The following CTNNA3 variants were observed in gnomAD, a reference collection of about 807,000 sequenced individuals.
The protein encoded by CTNNA3 is catenin alpha-3.
A neutral mutation model predicts 95.7 loss-of-function variants in CTNNA3; 76 were observed. That is an observed-to-expected ratio of 0.79 (90% CI 0.66 to 0.96). The LOEUF (loss-of-function observed/expected upper bound fraction) is 0.96. Ranked by LOEUF, CTNNA3 falls within the 40% of genes least tolerant of loss-of-function variation. The pLI is 0.00. For missense variants in CTNNA3, 1,191 were observed against 1,089.8 expected, an observed-to-expected ratio of 1.09 and a Z score of -1.31; for synonymous variants, 431 against 374.4, an observed-to-expected ratio of 1.15 and a Z score of -1.74.
intron 5 of CTNNA3, among the ~76,000 whole-genome samples, chr10:67,241,294 G>T (rs1865709798): frequency 6.6e-6 from 1 of 152,034 alleles, no homozygotes; most frequent in Non-Finnish European, 1.5e-5. Context: ...ATGGTGGTGT[G>T]CACCAGTAAT....
intron 17 of CTNNA3, among the ~76,000 whole-genome samples, chr10:65,959,692 T>C (rs2077803177): frequency 6.6e-6 from 1 of 152,170 alleles, no homozygotes; most frequent in African/African-American, 2.4e-5. Context: ...ACCTGGCTAA[T>C]ATTTGTAGAA....
At chr10:66,622,223 GTATCTTTA>G (rs1844775115) in intron 9 of CTNNA3, among the ~76,000 whole-genome samples, 1 of 152,086 alleles carries the variant, frequency 6.6e-6, no homozygotes, top group Admixed American at 6.6e-5. Context: ...AAGTATGACT[GTATCTTTA>G]TACATTTTGT....
intron 11 of CTNNA3, among the ~76,000 whole-genome samples, chr10:66,467,805 T>C (rs917132586): frequency 6.6e-6 from 1 of 152,090 alleles, no homozygotes; most frequent in Non-Finnish European, 1.5e-5. Context: ...GAAATTAGCA[T>C]TGAGTTATTT....
chr10:66,064,693 A>G (rs1268246096), intron 15 of CTNNA3, among the ~76,000 whole-genome samples: 2 of 152,156 alleles, frequency 1.3e-5, no homozygotes, highest in Admixed American at 1.3e-4. Flanking sequence ...GTCTCCTCCA[A>G]ATGCCATAAG....
chr10:66,947,934 A>G (rs1307956494), intron 7 of CTNNA3, among the ~76,000 whole-genome samples: 2 of 152,218 alleles, frequency 1.3e-5, no homozygotes, highest in Non-Finnish European at 2.9e-5. Flanking sequence ...ATGACAGTCT[A>G]CTACACACCT....
chr10:65,998,271 G>A (rs919862158), intron 15 of CTNNA3, among the ~76,000 whole-genome samples: 3 of 152,072 alleles, frequency 2.0e-5, no homozygotes, highest in African/African-American at 4.8e-5. Flanking sequence ...ACTGTGAAAG[G>A]GAGCCAAACA....
chr10:66,112,200 GA>G (rs2082146490), intron 13 of CTNNA3, among the ~76,000 whole-genome samples: 4 of 152,134 alleles, frequency 2.6e-5, no homozygotes, highest in African/African-American at 9.7e-5. Flanking sequence ...ACCAGAGGGA[GA>G]AGGCATCTAG....
At chr10:67,619,242 C>G (rs1843750627) in intron 2 of CTNNA3, among the ~76,000 whole-genome samples, 1 of 152,126 alleles carries the variant, frequency 6.6e-6, no homozygotes, top group South Asian at 2.1e-4. Flanking sequence ...TTAACCAAAA[C>G]AGCATGGCAC....
In CTNNA3 at chr10:66,502,452, TC is replaced by T. The variant is rs1840308593; in HGVS notation, c.1531+18164del. Among the ~76,000 whole-genome samples, 4 of 152,130 alleles carry T rather than the reference TC, an allele frequency of 2.6e-5. No homozygotes were observed. The South Asian group carries it at 8.3e-4, about 31-fold the overall frequency. Reference sequence around the variant, plus strand: ...CCTCAATAATAACATGCACTTTTTTTCCCATTGGATTTTGCTCTAATTTTTA... The same window carrying T: ...CCTCAATAATAACATGCACTTTTTTTCCATTGGATTTTGCTCTAATTTTTA... On this transcript the variant is annotated intron_variant, in intron 11 of 17. Coordinates refer to ENST00000433211, the MANE Select transcript of CTNNA3 (RefSeq NM_013266.4).
rs1304176078 is a variant in CTNNA3 at position 66,571,923 on chromosome 10, CAATT to C, written c.1374+49765_1374+49768del. Among the ~76,000 whole-genome samples the C allele has an allele frequency of 2.6e-5, 4 of 152,054 alleles. No homozygotes were observed. In the East Asian group the frequency reaches 7.7e-4, roughly 29 times the overall value. ...TGACGCATTTTTTAAAGAAATTAAA[CAATT>C]AATTAGTGTGTATTCATACTAGTTG... On this transcript the variant is annotated intron_variant, in intron 10 of 17. Coordinates refer to ENST00000433211, the MANE Select transcript of CTNNA3 (RefSeq NM_013266.4).
chr10:67,000,385 A>C (rs1244942766), intron 7 of CTNNA3, among the ~76,000 whole-genome samples: 1 of 152,196 alleles, frequency 6.6e-6, no homozygotes, highest in Non-Finnish European at 1.5e-5. Flanking sequence ...AATTGGCACA[A>C]GAAGGTTAAA....
At chr10:67,045,744 G>GT (rs1205357531) in intron 7 of CTNNA3, among the ~76,000 whole-genome samples, 2 of 151,874 alleles carry the variant, frequency 1.3e-5, no homozygotes, top group African/African-American at 2.4e-5. Flanking sequence ...GCCCCCCTCT[G>GT]TTTTTTTTAA....
intron 9 of CTNNA3, among the ~76,000 whole-genome samples, chr10:66,685,662 GCA>G: frequency 6.6e-6 from 1 of 151,430 alleles, no homozygotes; most frequent in Non-Finnish European, 1.5e-5. Context: ...ATGAGACACC[GCA>G]CCAGGCCAAG....
intron 7 of CTNNA3, among the ~76,000 whole-genome samples, chr10:66,787,159 G>C (rs1035672799): frequency 1.3e-5 from 2 of 152,108 alleles, no homozygotes; most frequent in Non-Finnish European, 2.9e-5. Flanking sequence ...CCACTTCCTA[G>C]ATGTGTGAAC....
At chr10:67,360,374 A>G (rs1368249742) in intron 5 of CTNNA3, among the ~76,000 whole-genome samples, 1 of 151,326 alleles carries the variant, frequency 6.6e-6, no homozygotes, top group Non-Finnish European at 1.5e-5. Flanking sequence ...TTGAATGTAA[A>G]TGATATAGAT....
intron 5 of CTNNA3, among the ~76,000 whole-genome samples, chr10:67,324,851 G>A (rs1238310808): frequency 2.6e-5 from 4 of 152,078 alleles, no homozygotes; most frequent in Non-Finnish European, 5.9e-5. Flanking sequence ...GTAGAATTCA[G>A]CTATGAATCC....
At position 65,966,598 on chromosome 10, in the gene CTNNA3, T is replaced by C. The variant is rs1564545972; in HGVS notation, c.2400+14A>G. 6.2e-7 allele frequency: 1 copy of C among 1,610,880 alleles called. No individual in the cohort carries two copies. ...CTTCCACCTGTGATCATGTAAGTGC[T>C]AGGCAGTACTCACAGCTGACATGAT... On this transcript the variant is annotated intron_variant, in intron 17 of 17. Coordinates refer to ENST00000433211, the MANE Select transcript of CTNNA3 (RefSeq NM_013266.4).
chr10:66,996,950 G>A (rs1445731202), intron 7 of CTNNA3, among the ~76,000 whole-genome samples: 1 of 152,044 alleles, frequency 6.6e-6, no homozygotes, highest in Non-Finnish European at 1.5e-5. Context: ...ATTAAATCAA[G>A]AGGTTTAATA....
chr10:66,520,593 C>A, intron 11 of CTNNA3, 24 bp downstream of exon 11: 2 of 1,576,528 alleles, frequency 1.3e-6, no homozygotes, highest in Non-Finnish European at 1.7e-6. Flanking sequence ...AGAAAATAAA[C>A]AAATTAAAAG....
Sources: gnomAD v4.1 joint callset for allele counts (sites outside exome capture counted in the v4.1 genomes callset) on GRCh38, gnomAD v4.1.1 for gene constraint, MANE v1.5 for transcripts, NCBI Gene and HGNC (gene_info 2026-07-23, HGNC 2026-07-21) for gene names.